The following ASTN1 variants were observed in gnomAD, a reference collection of about 807,000 sequenced individuals.
ASTN1 encodes astrotactin-1.
ASTN1 carries 41 observed loss-of-function variants against 140.7 expected under a neutral mutation model. That is an observed-to-expected ratio of 0.29 (90% CI 0.23 to 0.38). The LOEUF (loss-of-function observed/expected upper bound fraction) is 0.38. Among genes scored for constraint, ASTN1 ranks in the 10% least tolerant of loss-of-function variants. The pLI is 1.00. For missense variants in ASTN1, 1,479 were observed against 1,678.8 expected (o/e 0.88, Z 2.08); for synonymous variants, 640 against 652.2 (o/e 0.98, Z 0.29).
rs142975291 is a variant in ASTN1, at chr1:177,118,889, T to C, written c.283+45505A>G. ...GTGGCTGCAAAGAGGGCAGACTTACTGGGTGGGAGGCCTTGGGAACACGTC... is the reference window on the plus strand; with the variant it reads ...GTGGCTGCAAAGAGGGCAGACTTACCGGGTGGGAGGCCTTGGGAACACGTC... On this transcript the variant is annotated intron_variant, in intron 1 of 22. Coordinates refer to ENST00000361833, the MANE Select transcript of ASTN1 (RefSeq NM_004319.3). Among the ~76,000 whole-genome samples, 356 of 152,308 alleles carry C rather than the reference T, an allele frequency of 2.3e-3. 2 individuals carry two copies. The highest frequency in any genetic ancestry group is 7.9e-3 in the African/African-American group (330 of 41,582).
chr1:177,138,155 C>T (rs1347760902), intron 1 of ASTN1, among the ~76,000 whole-genome samples: 1 of 152,152 alleles, frequency 6.6e-6, no homozygotes, highest in Non-Finnish European at 1.5e-5. Flanking sequence ...AAGAAAGATG[C>T]CACTTTTGAG....
intron 1 of ASTN1, among the ~76,000 whole-genome samples, chr1:177,128,718 C>T (rs993941426): frequency 6.6e-6 from 1 of 152,162 alleles, no homozygotes; most frequent in Non-Finnish European, 1.5e-5. Context: ...GACTAATCTC[C>T]TATGGGGCAA....
At chr1:177,035,560 T>G (rs1339391570) in intron 2 of ASTN1, among the ~76,000 whole-genome samples, 2 of 152,232 alleles carry the variant, frequency 1.3e-5, no homozygotes, top group African/African-American at 4.8e-5. Flanking sequence ...TACTCACATT[T>G]CAAGTTATCT....
intron 3 of ASTN1, 144 bp downstream of exon 3, chr1:177,032,312 G>T (rs1170620788): frequency 1.7e-5 from 19 of 1,124,056 alleles, no homozygotes; most frequent in Non-Finnish European, 2.1e-5. Context: ...TCAGGAAACA[G>T]GTTATTCTTG....
At chr1:176,930,191 T>C (rs745599715) in intron 16 of ASTN1, among the ~76,000 whole-genome samples, 14 of 152,156 alleles carry the variant, frequency 9.2e-5, no homozygotes, top group Non-Finnish European at 8.8e-5. Context: ...AATGGTTGAA[T>C]GTGGAGAGTA....
At chr1:177,064,994 A>G (rs1678280426) in intron 1 of ASTN1, among the ~76,000 whole-genome samples, 1 of 152,224 alleles carries the variant, frequency 6.6e-6, no homozygotes, top group Admixed American at 6.5e-5. Context: ...AGAATATCTC[A>G]AGAAGAGGAA....
At chr1:176,930,835 A>G (rs1671176349) in intron 16 of ASTN1, among the ~76,000 whole-genome samples, 1 of 152,208 alleles carries the variant, frequency 6.6e-6, no homozygotes, top group South Asian at 2.1e-4. Flanking sequence ...ATGAGGTGCT[A>G]ATACATTGAA....
chr1:177,034,326 G>T (rs1676604931), intron 2 of ASTN1, among the ~76,000 whole-genome samples: 2 of 151,632 alleles, frequency 1.3e-5, no homozygotes, highest in Non-Finnish European at 2.9e-5. Flanking sequence ...AGAGACACGA[G>T]GCAACAGAGT....
At chr1:176,955,641 TG>T (rs1557988423) in intron 11 of ASTN1, among the ~76,000 whole-genome samples, 1 of 152,240 alleles carries the variant, frequency 6.6e-6, no homozygotes, top group Non-Finnish European at 1.5e-5. Flanking sequence ...GAACTATTCC[TG>T]CTAGCTCTGT....
intron 1 of ASTN1, among the ~76,000 whole-genome samples, chr1:177,162,435 A>G (rs1311149984): frequency 1.3e-5 from 2 of 152,170 alleles, no homozygotes; most frequent in Non-Finnish European, 2.9e-5. Context: ...TGTAAATGCC[A>G]AGTTGCACCA....
chr1:177,035,862 A>G (rs557740238), intron 2 of ASTN1, among the ~76,000 whole-genome samples: 1 of 152,308 alleles, frequency 6.6e-6, no homozygotes, highest in South Asian at 2.1e-4. Context: ...TGGAGCCTAG[A>G]CACTCAATTA....
At chr1:176,929,380 T>G (rs1671107057) in intron 16 of ASTN1, among the ~76,000 whole-genome samples, 1 of 152,162 alleles carries the variant, frequency 6.6e-6, no homozygotes, top group Non-Finnish European at 1.5e-5. Context: ...ACTGGAGTGA[T>G]GCACTCTAAA....
chr1:176,987,579 C>T (rs552086202), intron 8 of ASTN1, among the ~76,000 whole-genome samples: 1 of 152,340 alleles, frequency 6.6e-6, no homozygotes, highest in Admixed American at 6.5e-5. Context: ...CTCTGCCTCT[C>T]CTGTCAGGAT....
At chr1:176,872,118 T>G (rs1487826478) in intron 21 of ASTN1, among the ~76,000 whole-genome samples, 3 of 152,102 alleles carry the variant, frequency 2.0e-5, no homozygotes, top group African/African-American at 7.2e-5. Flanking sequence ...TTAGTTTCCA[T>G]GTCTGTTCAA....
rs185152553 is a variant in ASTN1 at position 176,934,721 on chromosome 1, C to T, written c.2483-381G>A. Among the ~76,000 whole-genome samples, 7 of 150,888 alleles carry T rather than the reference C, an allele frequency of 4.6e-5. No homozygotes were observed. The East Asian group carries it at 1.4e-3, about 30-fold the overall frequency. Reference sequence around the variant, plus strand: ...CAATTAGCATAGTCTAAAACAGAAACACAAATACCAGCCGAGAACATTTCA... The same window carrying T: ...CAATTAGCATAGTCTAAAACAGAAATACAAATACCAGCCGAGAACATTTCA... On this transcript the variant is annotated intron_variant, in intron 15 of 22. Transcript: ENST00000361833.
In ASTN1 at chr1:177,079,584, T is replaced by A. The variant is rs77052893; in HGVS notation, c.284-18319A>T. On this transcript the variant is annotated intron_variant, in intron 1 of 22. Transcript: ENST00000361833. ...CCATTGTTCTCTGTTATGTGGGCCCTCAACTCTCTCCTTTCTCCTGCTTCT... is the reference window on the plus strand; with the variant it reads ...CCATTGTTCTCTGTTATGTGGGCCCACAACTCTCTCCTTTCTCCTGCTTCT... Among the ~76,000 whole-genome samples the A allele has an allele frequency of 4.6e-3, 699 of 152,178 alleles. 4 individuals are homozygous for A. Among genetic ancestry groups the A allele is most frequent in the African/African-American group, 0.016 (676 of 41,516 alleles).
At chr1:176,964,282 T>C (rs1672781557) in intron 9 of ASTN1, among the ~76,000 whole-genome samples, 1 of 152,216 alleles carries the variant, frequency 6.6e-6, no homozygotes, top group Non-Finnish European at 1.5e-5. Flanking sequence ...AGAAAAGGCA[T>C]GCAGTAGCTG....
At chr1:176,930,291 G>A (rs1378811368) in intron 16 of ASTN1, among the ~76,000 whole-genome samples, 2 of 152,148 alleles carry the variant, frequency 1.3e-5, no homozygotes, top group African/African-American at 4.8e-5. Flanking sequence ...TTACAGGGAA[G>A]AGAAAAGAAA....
At chr1:177,033,926 G>A (rs564545571) in intron 2 of ASTN1, among the ~76,000 whole-genome samples, 21 of 152,024 alleles carry the variant, frequency 1.4e-4, no homozygotes, top group South Asian at 4.2e-4. Flanking sequence ...AAATCTTCCC[G>A]TGCACAATCT....
Sources: allele counts gnomAD v4.1 joint callset (sites outside exome capture counted in the v4.1 genomes callset), GRCh38; gene constraint gnomAD v4.1.1; transcripts MANE v1.5; gene names NCBI Gene and HGNC (gene_info 2026-07-23, HGNC 2026-07-21).